Variants in MIB1 observed in about 807,000 individuals in gnomAD.
MIB1 encodes the protein E3 ubiquitin-protein ligase MIB1.
A neutral mutation model predicts 124.5 loss-of-function variants in MIB1; 278 were observed. That is an observed-to-expected ratio of 2.23 (90% CI 2.02 to 2.47). The LOEUF (loss-of-function observed/expected upper bound fraction) is 2.47, where lower values mean the gene tolerates loss of function less well. MIB1 is among the 30% of genes most tolerant of loss of function. MIB1 has a pLI of 0.00. For missense variants in MIB1, 957 were observed against 1,254.4 expected (o/e 0.76, Z 3.58); for synonymous variants, 446 against 429.4 (o/e 1.04, Z -0.48).
At position 21,870,037 on chromosome 18, in the gene MIB1, T is replaced by C. The variant is rs982331675; in HGVS notation, c.*5371T>C. The C allele has an allele frequency of 2.6e-5, 4 of 152,580 alleles. No individual in the cohort carries two copies. Among genetic ancestry groups the C allele is most frequent in the African/African-American group, 9.6e-5 (4 of 41,452 alleles). The allele number at this position is 152,580 out of a possible 1,614,324, so 9.5% of individuals were successfully genotyped here. A position where few individuals can be genotyped will look rare whatever the true frequency, so the allele number is the denominator to read the frequency against. On this transcript the variant is annotated 3_prime_UTR_variant, in exon 21 of 21. Transcript: ENST00000261537. The stretch of plus-strand genomic sequence containing the variant: ...AGCTTTCAATATTGGATTAAAGTCT[T>C]GTTTGTGAATATAGTTTCCGTATGG...
intron 6 of MIB1, among the ~76,000 whole-genome samples, chr18:21,781,198 A>G (rs938870478): frequency 6.6e-6 from 1 of 151,048 alleles, no homozygotes; most frequent in Non-Finnish European, 1.5e-5. Context: ...GGCTTGAGCC[A>G]CCTCGACTGG....
upstream of MIB1, among the ~76,000 whole-genome samples, chr18:21,739,923 C>CAA (rs879507919): frequency 5.9e-5 from 7 of 119,382 alleles, no homozygotes; most frequent in East Asian, 1.1e-3. Context: ...AAAAACAAAG[C>CAA]AAAAAAAAAA....
intron 19 of MIB1, 152 bp downstream of exon 19, chr18:21,857,395 T>G (rs2042239091): frequency 1.7e-6 from 1 of 604,148 alleles, no homozygotes; most frequent in Non-Finnish European, 2.9e-6. Context: ...CTGGTGCTCT[T>G]ATTATATTAT....
At chr18:21,756,044 C>T (rs1234983965) in intron 1 of MIB1, among the ~76,000 whole-genome samples, 1 of 152,154 alleles carries the variant, frequency 6.6e-6, no homozygotes, top group Non-Finnish European at 1.5e-5. Context: ...GTGCCTTACT[C>T]ATCCCTTACC....
At chr18:21,765,544 G>C (rs1280892522) in intron 1 of MIB1, among the ~76,000 whole-genome samples, 1 of 152,122 alleles carries the variant, frequency 6.6e-6, no homozygotes, top group Non-Finnish European at 1.5e-5. Context: ...ACTGAGATGT[G>C]TTCTTACTAA....
chr18:21,746,308 C>T (rs1239620295), intron 1 of MIB1, among the ~76,000 whole-genome samples: 10 of 152,076 alleles, frequency 6.6e-5, no homozygotes, highest in Admixed American at 4.6e-4. Flanking sequence ...GAGTTGTATG[C>T]GGGTCTCTAA....
At chr18:21,809,830 T>C (rs1047309395) in intron 10 of MIB1, among the ~76,000 whole-genome samples, 4 of 152,012 alleles carry the variant, frequency 2.6e-5, no homozygotes, top group African/African-American at 9.7e-5. Flanking sequence ...ACTTTTCTTA[T>C]AAGAACAGGG....
chr18:21,756,644 A>G (rs1461814222), intron 1 of MIB1, among the ~76,000 whole-genome samples: 4 of 152,050 alleles, frequency 2.6e-5, no homozygotes, highest in South Asian at 4.1e-4. Context: ...TTGTATTTTT[A>G]GTAAAGATGG....
At chr18:21,710,827 A>ATTTTTTTTTTTTTTTTTTTTTTTTTTT (rs34702356) in intron 1 of MIB1, among the ~76,000 whole-genome samples, 1 of 117,030 alleles carries the variant, frequency 8.5e-6, no homozygotes. Context: ...TAATTGACTG[A>ATTTTTTTTTTTTTTTTTTTTTTTTTTT]TTTTTTTTTT....
chr18:21,777,532 A>G (rs551427989), intron 4 of MIB1, among the ~76,000 whole-genome samples: 1 of 152,086 alleles, frequency 6.6e-6, no homozygotes, highest in Non-Finnish European at 1.5e-5. Context: ...GTCTAATGTA[A>G]TAAGATTCAG....
chr18:21,767,089 G>C (rs1432801611), intron 2 of MIB1, among the ~76,000 whole-genome samples: 1 of 152,134 alleles, frequency 6.6e-6, no homozygotes, highest in Non-Finnish European at 1.5e-5. Context: ...GTGAGAACAG[G>C]TTAGTGTAGG....
At chr18:21,797,318 G>A (rs569531069) in intron 7 of MIB1, among the ~76,000 whole-genome samples, 2 of 152,090 alleles carry the variant, frequency 1.3e-5, no homozygotes, top group South Asian at 4.1e-4. Flanking sequence ...GTCTACTTTT[G>A]TATCTCTTGG....
chr18:21,734,248 A>G (rs995196037), intron 1 of MIB1, among the ~76,000 whole-genome samples: 48 of 151,636 alleles, frequency 3.2e-4, no homozygotes, highest in Admixed American at 9.9e-4. Context: ...CTGGGACTAC[A>G]GGCGCCCGCC....
intron 1 of MIB1, among the ~76,000 whole-genome samples, chr18:21,753,117 G>C (rs1174625315): frequency 1.3e-5 from 2 of 152,140 alleles, no homozygotes; most frequent in African/African-American, 4.8e-5. Context: ...GTAGAAAAAG[G>C]ATGAGTAGAC....
At chr18:21,859,717 C>T (rs559937720) in intron 20 of MIB1, among the ~76,000 whole-genome samples, 41 of 151,634 alleles carry the variant, frequency 2.7e-4, no homozygotes, top group African/African-American at 8.5e-4. Context: ...GGCAAAACCC[C>T]GTCTCTACTA....
intron 17 of MIB1, among the ~76,000 whole-genome samples, chr18:21,852,920 A>C (rs920329351): frequency 1.3e-5 from 2 of 152,146 alleles, no homozygotes; most frequent in Non-Finnish European, 2.9e-5. Flanking sequence ...AGATAGGGAG[A>C]TGAAGGTAGA....
rs1568232598 is a variant in MIB1, at chr18:21,865,325, A to G, written c.*659A>G. On this transcript the variant is annotated 3_prime_UTR_variant, in exon 21 of 21. Transcript: ENST00000261537. The stretch of plus-strand genomic sequence containing the variant: ...AGGAACATTGTTTAACTTGAATCAG[A>G]TTACCAGTTTCAAGGTGACTGATAG... 1 of 152,164 alleles carries G rather than the reference A, an allele frequency of 6.6e-6. No individual in the cohort carries two copies. Among genetic ancestry groups the G allele is most frequent in the East Asian group, 1.9e-4 (1 of 5,200 alleles). The allele number at this position is 152,164 out of a possible 1,614,324, so 9.4% of individuals were successfully genotyped here.
intron 9 of MIB1, among the ~76,000 whole-genome samples, chr18:21,802,899 G>C (rs971470194): frequency 6.6e-6 from 1 of 152,102 alleles, no homozygotes; most frequent in Non-Finnish European, 1.5e-5. Flanking sequence ...TCCTGTCTAG[G>C]GATGAGATGC....
chr18:21,818,741 C>T (rs2041852787), intron 11 of MIB1, among the ~76,000 whole-genome samples: 1 of 152,076 alleles, frequency 6.6e-6, no homozygotes, highest in Admixed American at 6.6e-5. Flanking sequence ...CTGAGACCAG[C>T]CTGGCCAACG....
Sources: gnomAD v4.1 joint callset for allele counts (sites outside exome capture counted in the v4.1 genomes callset) on GRCh38, gnomAD v4.1.1 for gene constraint, MANE v1.5 for transcripts, NCBI Gene and HGNC (gene_info 2026-07-23, HGNC 2026-07-21) for gene names.